Variants in PLCH1 observed in about 807,000 individuals in gnomAD.
PLCH1 encodes 1-phosphatidylinositol 4,5-bisphosphate phosphodiesterase eta-1.
Under a neutral mutation model 126.7 loss-of-function variants are expected in PLCH1, and 60 were observed. The observed-to-expected ratio is 0.47, with a 90% CI of 0.38 to 0.59. The LOEUF (loss-of-function observed/expected upper bound fraction) is 0.59, where lower values mean the gene tolerates loss of function less well. Among genes scored for constraint, PLCH1 ranks in the 20% least tolerant of loss-of-function variants. The pLI is 0.00. For missense variants in PLCH1, 1,723 were observed against 2,040.0 expected, an observed-to-expected ratio of 0.84 and a Z score of 2.99; for synonymous variants, 719 against 734.9, an observed-to-expected ratio of 0.98 and a Z score of 0.35.
At chr3:155,526,253 C>T (rs1348815394) in intron 10 of PLCH1, among the ~76,000 whole-genome samples, 3 of 151,884 alleles carry the variant, frequency 2.0e-5, no homozygotes, top group Non-Finnish European at 4.4e-5. Context: ...ACCTAGTGCC[C>T]GACATCTAAT....
At chr3:155,491,774 G>A (rs1716245237) in intron 18 of PLCH1, among the ~76,000 whole-genome samples, 1 of 152,120 alleles carries the variant, frequency 6.6e-6, no homozygotes, top group Admixed American at 6.5e-5. Flanking sequence ...CTGGGAAGGT[G>A]GACAGGAGCC....
chr3:155,520,069 T>C (rs1158640577), intron 11 of PLCH1, among the ~76,000 whole-genome samples: 3 of 152,182 alleles, frequency 2.0e-5, no homozygotes, highest in Non-Finnish European at 2.9e-5. Context: ...GTCATATCCA[T>C]GTATTAGAAA....
At chr3:155,685,582 C>A (rs1490488591) in intron 2 of PLCH1, among the ~76,000 whole-genome samples, 1 of 152,146 alleles carries the variant, frequency 6.6e-6, no homozygotes, top group Non-Finnish European at 1.5e-5. Flanking sequence ...GATAAGCAAT[C>A]AAAAAGACTT....
intron 1 of PLCH1, among the ~76,000 whole-genome samples, chr3:155,737,313 T>C (rs539556747): frequency 6.7e-6 from 1 of 150,126 alleles, no homozygotes; most frequent in Admixed American, 6.6e-5. Flanking sequence ...TTAATTCTTG[T>C]GTATCCTTCT....
intron 2 of PLCH1, among the ~76,000 whole-genome samples, chr3:155,683,960 C>A (rs959413270): frequency 7.9e-5 from 12 of 152,162 alleles, no homozygotes; most frequent in Admixed American, 7.2e-4. Flanking sequence ...AGCACTCCAG[C>A]TAAATGAGGA....
chr3:155,566,194 C>A (rs1195780914), intron 7 of PLCH1, among the ~76,000 whole-genome samples: 1 of 60,848 alleles, frequency 1.6e-5, no homozygotes, highest in East Asian at 2.7e-4. Context: ...CATATATATA[C>A]ACATACATAT....
At chr3:155,465,258 G>A (rs969291877) in intron 21 of PLCH1, among the ~76,000 whole-genome samples, 1 of 152,134 alleles carries the variant, frequency 6.6e-6, no homozygotes, top group Non-Finnish European at 1.5e-5. Flanking sequence ...GGAGAAGGAA[G>A]AGTGGGGAGG....
intron 2 of PLCH1, among the ~76,000 whole-genome samples, chr3:155,699,406 A>T (rs1464268345): frequency 6.6e-6 from 1 of 152,190 alleles, no homozygotes; most frequent in Non-Finnish European, 1.5e-5. Flanking sequence ...GATGTTCATG[A>T]AATCTTGATT....
chr3:155,659,302 C>CTTTT (rs753258422), intron 2 of PLCH1, among the ~76,000 whole-genome samples: 719 of 30,820 alleles, frequency 0.023, 268 homozygotes, highest in Non-Finnish European at 0.039. Flanking sequence ...CTATTCACTT[C>CTTTT]TTTTTTTTTT....
chr3:155,676,099 A>G, intron 2 of PLCH1: 1 of 1,436,532 alleles, frequency 7.0e-7, no homozygotes, highest in African/African-American at 1.4e-5. Flanking sequence ...CTAAAGGCAA[A>G]GCCTTTTCCT....
At chr3:155,488,286 C>T (rs1715598897) in intron 20 of PLCH1, among the ~76,000 whole-genome samples, 179 bp from the exon 21 acceptor site, 1 of 152,154 alleles carries the variant, frequency 6.6e-6, no homozygotes, top group Non-Finnish European at 1.5e-5. Flanking sequence ...CAAACCCCGC[C>T]TCCTGGGTTC....
intron 2 of PLCH1, among the ~76,000 whole-genome samples, chr3:155,636,486 G>A (rs1241176706): frequency 2.6e-5 from 4 of 152,154 alleles, no homozygotes; most frequent in East Asian, 1.9e-4. Flanking sequence ...GGTGGCTCTC[G>A]CCTGTAATCC....
intron 21 of PLCH1, among the ~76,000 whole-genome samples, chr3:155,460,152 T>C (rs1166631855): frequency 1.3e-5 from 2 of 152,308 alleles, no homozygotes; most frequent in East Asian, 3.9e-4. Flanking sequence ...GACAGTATAA[T>C]GGACAGTTGC....
intron 2 of PLCH1, among the ~76,000 whole-genome samples, chr3:155,661,698 T>C (rs974713492): frequency 2.6e-5 from 4 of 152,152 alleles, no homozygotes; most frequent in Admixed American, 2.6e-4. Context: ...TCTCTGATAC[T>C]AGATTTTTAT....
At chr3:155,671,414 C>T (rs566038109) in intron 2 of PLCH1, among the ~76,000 whole-genome samples, 6 of 152,182 alleles carry the variant, frequency 3.9e-5, no homozygotes, top group African/African-American at 9.6e-5. Flanking sequence ...ATAACTTAGG[C>T]GGTTACTTTG....
At chr3:155,523,776 T>G (rs1576904736) in intron 11 of PLCH1, 121 bp downstream of exon 11, 2 of 608,018 alleles carry the variant, frequency 3.3e-6, no homozygotes, top group East Asian at 5.9e-5. Context: ...TAATTTTCAA[T>G]GAATATCCTT....
At chr3:155,584,222 T>A (rs1163449324) in intron 5 of PLCH1, among the ~76,000 whole-genome samples, 2 of 152,060 alleles carry the variant, frequency 1.3e-5, no homozygotes, top group African/African-American at 4.8e-5. Context: ...AAATGAGAAA[T>A]CTTGAAAAAG....
chr3:155,523,044 G>A (rs574524365), intron 11 of PLCH1, among the ~76,000 whole-genome samples: 290 of 152,064 alleles, frequency 1.9e-3, no homozygotes, highest in Non-Finnish European at 3.4e-3. Flanking sequence ...GCGCGATCTC[G>A]GCTCACTGCA....
At chr3:155,640,349 T>C (rs1204661902) in intron 2 of PLCH1, among the ~76,000 whole-genome samples, 1 of 152,198 alleles carries the variant, frequency 6.6e-6, no homozygotes, top group Non-Finnish European at 1.5e-5. Context: ...GTCTGGGTGA[T>C]AAAATGGCAG....
Sources: gnomAD v4.1 joint callset for allele counts (sites outside exome capture counted in the v4.1 genomes callset) on GRCh38, gnomAD v4.1.1 for gene constraint, MANE v1.5 for transcripts, NCBI Gene and HGNC (gene_info 2026-07-23, HGNC 2026-07-21) for gene names.